Variants in PTPN4 observed in about 807,000 individuals in gnomAD.
PTPN4 encodes protein tyrosine phosphatase non-receptor type 4.
Under a neutral mutation model 135.5 loss-of-function variants are expected in PTPN4, and 49 were observed. That is an observed-to-expected ratio of 0.36 (90% CI 0.29 to 0.46). PTPN4 has a LOEUF of 0.46. PTPN4 is among the 20% of genes least tolerant of loss of function. The probability of loss-of-function intolerance (pLI) is 1.00; values close to 1 mark genes in which losing one functional copy is unlikely to be tolerated. For missense variants in PTPN4, 860 were observed against 1,101.0 expected, an observed-to-expected ratio of 0.78 and a Z score of 3.10; for synonymous variants, 333 against 369.9, an observed-to-expected ratio of 0.90 and a Z score of 1.14.
chr2:119,953,947 T>C (rs1329120976), intron 19 of PTPN4, among the ~76,000 whole-genome samples: 1 of 152,214 alleles, frequency 6.6e-6, no homozygotes, highest in Admixed American at 6.5e-5. Context: ...GTCTACTTCT[T>C]GCAAAATATC....
chr2:119,810,794 G>A (rs1189228363), intron 2 of PTPN4, among the ~76,000 whole-genome samples: 3 of 152,042 alleles, frequency 2.0e-5, no homozygotes, highest in South Asian at 4.1e-4. Context: ...TTAACATTTT[G>A]CACATTTACT....
intron 18 of PTPN4, among the ~76,000 whole-genome samples, chr2:119,948,812 G>C (rs1454529212): frequency 6.6e-5 from 10 of 152,018 alleles, no homozygotes; most frequent in African/African-American, 1.9e-4. Flanking sequence ...ATATATGTTT[G>C]AACCAGTTTA....
intron 12 of PTPN4, among the ~76,000 whole-genome samples, chr2:119,923,434 T>C (rs1574406193): frequency 6.6e-6 from 1 of 152,302 alleles, no homozygotes; most frequent in South Asian, 2.1e-4. Flanking sequence ...ATGTTACTTG[T>C]GGGCCATCCT....
chr2:119,873,283 C>T (rs2104995372), intron 3 of PTPN4, among the ~76,000 whole-genome samples: 1 of 151,996 alleles, frequency 6.6e-6, no homozygotes, highest in South Asian at 2.1e-4. Flanking sequence ...GCTCACTGAA[C>T]TCCAAGTACA....
At chr2:119,795,312 G>A (rs1001795330) in intron 1 of PTPN4, among the ~76,000 whole-genome samples, 3 of 152,174 alleles carry the variant, frequency 2.0e-5, no homozygotes, top group Admixed American at 6.5e-5. Context: ...GGGCTTTACC[G>A]GGGACCTGGC....
chr2:119,932,663 G>A, intron 14 of PTPN4, 114 bp downstream of exon 14: 1 of 1,260,642 alleles, frequency 7.9e-7, no homozygotes, highest in Non-Finnish European at 1.1e-6. Flanking sequence ...TTCTTTTGGT[G>A]AAACATGATT....
chr2:119,847,273 T>TACACAC (rs1248986814), intron 2 of PTPN4, among the ~76,000 whole-genome samples: 9 of 82,714 alleles, frequency 1.1e-4, no homozygotes, highest in South Asian at 3.7e-4. Flanking sequence ...AGATACTCTA[T>TACACAC]ATACACACAC....
At chr2:119,776,029 A>G (rs1558721875) in intron 1 of PTPN4, among the ~76,000 whole-genome samples, 1 of 152,148 alleles carries the variant, frequency 6.6e-6, no homozygotes, top group Non-Finnish European at 1.5e-5. Context: ...CCAGAAAATA[A>G]ATTAACTATA....
chr2:119,797,748 A>G (rs1691288267), intron 1 of PTPN4, among the ~76,000 whole-genome samples: 2 of 152,248 alleles, frequency 1.3e-5, no homozygotes, highest in Admixed American at 6.5e-5. Flanking sequence ...GGTTAAAACA[A>G]GGTCGGAAAC....
intron 2 of PTPN4, 131 bp downstream of exon 2, chr2:119,810,122 G>A (rs1236356631): frequency 1.7e-5 from 19 of 1,104,176 alleles, no homozygotes; most frequent in Middle Eastern, 4.9e-4. Flanking sequence ...TCTTTTTGGT[G>A]CAGGATTGTA....
intron 2 of PTPN4, among the ~76,000 whole-genome samples, chr2:119,829,565 A>C (rs897953599): frequency 6.6e-6 from 1 of 152,236 alleles, no homozygotes; most frequent in Non-Finnish European, 1.5e-5. Flanking sequence ...TATAAGTAGA[A>C]TCATACAATA....
chr2:119,897,445 G>T (rs936011765), intron 9 of PTPN4, among the ~76,000 whole-genome samples: 1 of 152,126 alleles, frequency 6.6e-6, no homozygotes, highest in African/African-American at 2.4e-5. Context: ...AGTGAACAGA[G>T]TTGGGCATTT....
At chr2:119,895,974 A>G (rs936361304) in intron 9 of PTPN4, among the ~76,000 whole-genome samples, 14 of 152,152 alleles carry the variant, frequency 9.2e-5, no homozygotes, top group African/African-American at 3.4e-4. Context: ...AGTGAAATGA[A>G]CAATTAGGGT....
chr2:119,871,832 G>A (rs1321048126), intron 3 of PTPN4, among the ~76,000 whole-genome samples: 3 of 152,040 alleles, frequency 2.0e-5, no homozygotes, highest in Non-Finnish European at 4.4e-5. Flanking sequence ...CAAATTCCTT[G>A]GGAAACATAA....
chr2:119,775,814 TA>T lies in PTPN4; in HGVS notation c.-18+15431del, dbSNP rs1574327206. Among the ~76,000 whole-genome samples the T allele has an allele frequency of 5.5e-5, 8 of 146,748 alleles. No individual in the cohort carries two copies. The East Asian group carries it at 1.4e-3, about 25-fold the overall frequency. ...AAAAGAGATTGTGGATATCTATATC[TA>T]TATCTATATCTATATCTATATCTAT... On this transcript the variant is annotated intron_variant, in intron 1 of 26. Coordinates refer to ENST00000263708, the MANE Select transcript of PTPN4 (RefSeq NM_002830.4).
At chr2:119,925,319 C>G in intron 12 of PTPN4, among the ~76,000 whole-genome samples, 1 of 152,174 alleles carries the variant, frequency 6.6e-6, no homozygotes, top group South Asian at 2.1e-4. Context: ...TTTATCATAG[C>G]CCCTGCAAAA....
chr2:119,793,521 A>G (rs1035772975), intron 1 of PTPN4, among the ~76,000 whole-genome samples: 1 of 152,238 alleles, frequency 6.6e-6, no homozygotes, highest in African/African-American at 2.4e-5. Context: ...TCAGCTTACA[A>G]AGATGATGGG....
In PTPN4 at chr2:119,945,200, A is replaced by G; in HGVS notation, c.1475A>G (p.Asn492Ser). 1 of 1,593,632 alleles carries G rather than the reference A, an allele frequency of 6.3e-7. No homozygotes were observed. Among genetic ancestry groups the G allele is most frequent in the Non-Finnish European group, 8.5e-7 (1 of 1,171,660 alleles). ...CAACAAGATCTAGAAAGTCATATTAATGAAACATTTGATATTCCATCTTCT... is the reference window on the plus strand; with the variant it reads ...CAACAAGATCTAGAAAGTCATATTAGTGAAACATTTGATATTCCATCTTCT... ...HSQQDLESHI[N>S]ETFDIPSSPE... is the part of the protein sequence containing the mutation. The change falls in exon 16 of 27, where the codon AAT becomes AGT. Residue 492 changes from asparagine (N) to serine (S), a missense_variant. Transcript: ENST00000263708.
rs1679687748 is a variant in PTPN4, at chr2:119,981,223, G to A, written c.*4153G>A. 2 of 151,962 alleles carry A rather than the reference G, an allele frequency of 1.3e-5. No homozygotes were observed. The highest frequency in any genetic ancestry group is 2.9e-5 in the Non-Finnish European group (2 of 67,912). 9.4% of individuals were successfully genotyped at this position (151,962 alleles called of 1,614,324 possible). On this transcript the variant is annotated 3_prime_UTR_variant, in exon 27 of 27. Transcript: ENST00000263708. ...AGTAAATAAAGTATATTAAATATTT[G>A]TTGGAATAAAAATCTCAATGTAATA... is the stretch of plus-strand genomic sequence containing the variant.
Sources: gnomAD v4.1 joint callset for allele counts (sites outside exome capture counted in the v4.1 genomes callset) on GRCh38, gnomAD v4.1.1 for gene constraint, MANE v1.5 for transcripts, NCBI Gene and HGNC (gene_info 2026-07-23, HGNC 2026-07-21) for gene names.